Variants in TANC1 observed in about 807,000 individuals in gnomAD.
The protein encoded by TANC1 is protein TANC1.
In TANC1, 77 loss-of-function variants were observed where a neutral mutation model predicts 149.7. The observed-to-expected ratio is 0.51, with a 90% CI of 0.43 to 0.62. The LOEUF is 0.62. Ranked by LOEUF, TANC1 falls within the 20% of genes least tolerant of loss-of-function variation. TANC1 has a pLI of 0.00. For synonymous variants in TANC1, 854 were observed against 925.0 expected, an observed-to-expected ratio of 0.92 and a Z score of 1.39; for missense variants, 1,985 against 2,321.8, an observed-to-expected ratio of 0.85 and a Z score of 2.98.
intron 2 of TANC1, among the ~76,000 whole-genome samples, chr2:159,015,159 G>A (rs2038140791): frequency 6.6e-6 from 1 of 152,218 alleles, no homozygotes; most frequent in Non-Finnish European, 1.5e-5. Flanking sequence ...GGGCATCCAG[G>A]CATTCCCGTG....
At chr2:159,043,557 C>T (rs545465101) in intron 2 of TANC1, among the ~76,000 whole-genome samples, 2 of 152,134 alleles carry the variant, frequency 1.3e-5, no homozygotes, top group Non-Finnish European at 2.9e-5. Flanking sequence ...TAATAACATG[C>T]GTGCTTTAGT....
chr2:159,082,040 C>T (rs2044325823), intron 3 of TANC1, among the ~76,000 whole-genome samples: 1 of 152,270 alleles, frequency 6.6e-6, no homozygotes, highest in Admixed American at 6.5e-5. Flanking sequence ...CCCAGCCCTG[C>T]CCTGCCCAGC....
At chr2:159,101,518 G>T (rs1019639141) in intron 4 of TANC1, among the ~76,000 whole-genome samples, 144 of 146,328 alleles carry the variant, frequency 9.8e-4, no homozygotes, top group African/African-American at 3.2e-3. Flanking sequence ...CATTTATTTG[G>T]TTTTTTTTTT....
At chr2:159,052,152 G>T (rs143635801) in intron 2 of TANC1, among the ~76,000 whole-genome samples, 1 of 152,218 alleles carries the variant, frequency 6.6e-6, no homozygotes, top group East Asian at 1.9e-4. Flanking sequence ...AGTGAGGAGA[G>T]CACCAAGAAA....
At chr2:159,112,353 G>A (rs2047813504) in intron 4 of TANC1, among the ~76,000 whole-genome samples, 1 of 151,964 alleles carries the variant, frequency 6.6e-6, no homozygotes, top group Non-Finnish European at 1.5e-5. Flanking sequence ...CCTCACAGGT[G>A]CAAGTGATTC....
chr2:159,105,585 C>T (rs2047100286), intron 4 of TANC1, among the ~76,000 whole-genome samples: 1 of 152,158 alleles, frequency 6.6e-6, no homozygotes, highest in South Asian at 2.1e-4. Context: ...AGTATTGAGT[C>T]CCTCTATACC....
At chr2:159,107,858 G>T (rs751005234) in intron 4 of TANC1, among the ~76,000 whole-genome samples, 20 of 152,072 alleles carry the variant, frequency 1.3e-4, no homozygotes, top group Non-Finnish European at 2.6e-4. Context: ...TTTTTGCTCT[G>T]CATAACCCTT....
chr2:159,014,568 T>C (rs894448599), intron 2 of TANC1, among the ~76,000 whole-genome samples: 1 of 152,148 alleles, frequency 6.6e-6, no homozygotes, highest in African/African-American at 2.4e-5. Context: ...TCCCCCACAG[T>C]CTTAACTCAT....
intron 24 of TANC1, chr2:159,227,609 C>T (rs910613411): frequency 7.2e-6 from 4 of 557,256 alleles, no homozygotes; most frequent in Non-Finnish European, 1.2e-5. Flanking sequence ...TGTGTAACCA[C>T]AGGATGCGGG....
In TANC1 at chr2:159,170,120, A is replaced by G. The variant is rs192386829; in HGVS notation, c.1070-404A>G. 2.3e-3 allele frequency among the ~76,000 whole-genome samples: 355 copies of G among 152,232 alleles called. 2 individuals carry two copies. Among genetic ancestry groups the G allele is most frequent in the Non-Finnish European group, 3.0e-3 (207 of 68,012 alleles). Reference sequence around the variant, plus strand: ...CACACCTGGATGAGAGCAGAGCCCTATTTCTAGGGAAAACATGTTTCTGTT... The same window carrying G: ...CACACCTGGATGAGAGCAGAGCCCTGTTTCTAGGGAAAACATGTTTCTGTT... On this transcript the variant is annotated intron_variant, in intron 9 of 26. Coordinates refer to ENST00000263635, the MANE Select transcript of TANC1 (RefSeq NM_033394.3).
chr2:159,229,737 C>T lies in TANC1; in HGVS notation c.4311C>T (p.Asn1437=), dbSNP rs185755261. 101 of 1,614,054 alleles carry T rather than the reference C, an allele frequency of 6.3e-5. 1 individual carries two copies. The African/African-American group carries it at 1.0e-3, about 16-fold the overall frequency. ...AGGGCCCGCTACCAGCTCCACTCAACGACTCCGAGAACGAAGAGGACACCC... is the reference window on the plus strand; with the variant it reads ...AGGGCCCGCTACCAGCTCCACTCAATGACTCCGAGAACGAAGAGGACACCC... The part of the protein sequence containing the change: ...KQQGPLPAPL[N]DSENEEDTPT... The change falls in exon 27 of 27, where the codon AAC becomes AAT. Residue 1437 remains asparagine (N), a synonymous_variant. Transcript: ENST00000263635.
intron 3 of TANC1, among the ~76,000 whole-genome samples, chr2:159,082,956 A>G (rs1161606096): frequency 6.6e-6 from 1 of 151,842 alleles, no homozygotes; most frequent in African/African-American, 2.4e-5. Context: ...TTTATTCTTT[A>G]TTTATTTAAG....
chr2:159,136,934 C>G (rs2050825191), intron 5 of TANC1, among the ~76,000 whole-genome samples: 1 of 151,934 alleles, frequency 6.6e-6, no homozygotes, highest in African/African-American at 2.4e-5. Flanking sequence ...TTTAAAAAAT[C>G]AATTCAAGAA....
chr2:159,065,803 G>A (rs1355201320), intron 2 of TANC1, 93 bp from the exon 3 acceptor site: 1 of 999,588 alleles, frequency 1.0e-6, no homozygotes, highest in Non-Finnish European at 1.6e-6. Context: ...CGGTCTGTTT[G>A]TTTGAACACA....
intron 2 of TANC1, among the ~76,000 whole-genome samples, chr2:159,051,884 A>G (rs2041502806): frequency 6.6e-6 from 1 of 152,188 alleles, no homozygotes; most frequent in African/African-American, 2.4e-5. Context: ...AACCATGAAA[A>G]CAAAAACCAT....
chr2:159,007,821 G>T (rs544261784), intron 2 of TANC1, among the ~76,000 whole-genome samples: 2 of 152,344 alleles, frequency 1.3e-5, no homozygotes, highest in African/African-American at 4.8e-5. Context: ...AGATAGCTGA[G>T]TAGTGAGGAG....
intron 14 of TANC1, among the ~76,000 whole-genome samples, chr2:159,183,333 G>A (rs2056670992): frequency 6.6e-6 from 1 of 152,232 alleles, no homozygotes; most frequent in Non-Finnish European, 1.5e-5. Flanking sequence ...CAGGCAGACA[G>A]GTTCCAGCGC....
intron 14 of TANC1, among the ~76,000 whole-genome samples, chr2:159,184,722 C>G (rs1487527880): frequency 2.0e-5 from 3 of 152,126 alleles, no homozygotes; most frequent in African/African-American, 7.2e-5. Context: ...ATCCCAGGCT[C>G]AAGATCTGGG....
At chr2:159,101,567 C>T (rs1470676493) in intron 4 of TANC1, among the ~76,000 whole-genome samples, 3 of 151,328 alleles carry the variant, frequency 2.0e-5, no homozygotes, top group Non-Finnish European at 4.4e-5. Context: ...TGTTTCAAAA[C>T]TTTTGTTTTT....
Sources: gnomAD v4.1 joint callset for allele counts (sites outside exome capture counted in the v4.1 genomes callset) on GRCh38, gnomAD v4.1.1 for gene constraint, MANE v1.5 for transcripts, NCBI Gene and HGNC (gene_info 2026-07-23, HGNC 2026-07-21) for gene names.